The following TENM2 variants were observed in gnomAD, a reference collection of about 807,000 sequenced individuals.
TENM2 encodes the protein teneurin transmembrane protein 2, also known as teneurin-2.
In TENM2, 52 loss-of-function variants were observed where a neutral mutation model predicts 245.2. The ratio of observed to expected loss-of-function variants is 0.21; its 90% CI spans 0.17 to 0.27. The LOEUF is 0.27. TENM2 is among the 10% of genes least tolerant of loss of function. TENM2 has a pLI of 1.00. For synonymous variants in TENM2, 1,363 were observed against 1,438.9 expected, an observed-to-expected ratio of 0.95 and a Z score of 1.19; for missense variants, 3,046 against 3,666.8, an observed-to-expected ratio of 0.83 and a Z score of 4.37.
intron 7 of TENM2, among the ~76,000 whole-genome samples, chr5:168,066,813 T>C (rs561671241): frequency 1.3e-5 from 2 of 152,268 alleles, no homozygotes; most frequent in South Asian, 4.2e-4. Flanking sequence ...CTACAAACTG[T>C]GTCAGATTTG....
At chr5:167,320,685 A>G (rs1341818120) in intron 1 of TENM2, among the ~76,000 whole-genome samples, 1 of 152,130 alleles carries the variant, frequency 6.6e-6, no homozygotes, top group Non-Finnish European at 1.5e-5. Context: ...CTCACTTGAC[A>G]CCTTGCCTTC....
At chr5:167,046,044 T>G in the TENM2 span, among the ~76,000 whole-genome samples, 2 of 152,182 alleles carry the variant, frequency 1.3e-5, no homozygotes, top group Non-Finnish European at 2.9e-5. Context: ...TCACAAAATT[T>G]GTCAAGATTC....
At chr5:167,850,652 G>C (rs752821870) in intron 2 of TENM2, among the ~76,000 whole-genome samples, 18 of 152,264 alleles carry the variant, frequency 1.2e-4, no homozygotes, top group Non-Finnish European at 2.1e-4. Flanking sequence ...TATGAAACAG[G>C]AAACGCTGGT....
chr5:168,061,346 G>A (rs577647982), intron 6 of TENM2, among the ~76,000 whole-genome samples: 38 of 152,296 alleles, frequency 2.5e-4, no homozygotes, highest in Non-Finnish European at 1.0e-4. Flanking sequence ...ACACTTGGAA[G>A]TATAGGGGGT....
the TENM2 span, among the ~76,000 whole-genome samples, chr5:167,149,949 G>A: frequency 6.6e-6 from 1 of 152,120 alleles, no homozygotes; most frequent in Non-Finnish European, 1.5e-5. Flanking sequence ...AAAGTGAAGG[G>A]AAGGAGAGGA....
the TENM2 span, among the ~76,000 whole-genome samples, chr5:167,002,526 C>T: frequency 6.6e-6 from 1 of 151,806 alleles, no homozygotes; most frequent in African/African-American, 2.4e-5. Context: ...ATGAATAGCC[C>T]GGGTGTGGTA....
the TENM2 span, among the ~76,000 whole-genome samples, chr5:167,125,390 G>A: frequency 6.6e-6 from 1 of 152,340 alleles, no homozygotes; most frequent in East Asian, 1.9e-4. Flanking sequence ...AGGAAGAACT[G>A]AGGGAGTCTA....
At chr5:167,544,230 GA>G (rs1772399808) in intron 2 of TENM2, among the ~76,000 whole-genome samples, 1 of 152,200 alleles carries the variant, frequency 6.6e-6, no homozygotes, top group African/African-American at 2.4e-5. Context: ...ATAAATGTTT[GA>G]TGGTTTAGTA....
chr5:167,518,056 G>T lies in TENM2; in HGVS notation c.502+142583G>T, dbSNP rs145724032. Among the ~76,000 whole-genome samples, 484 of 151,670 alleles carry T rather than the reference G, an allele frequency of 3.2e-3. 25 individuals are homozygous for T. In the South Asian group the frequency reaches 0.08, roughly 25 times the overall value. ...ACAAAAATTAGTCGGATGTTACGGC[G>T]CACACCTGTAATCCCAGCTATCACG... is the stretch of plus-strand genomic sequence containing the variant. On this transcript the variant is annotated intron_variant, in intron 2 of 28. Transcript: ENST00000518659.
intron 2 of TENM2, among the ~76,000 whole-genome samples, chr5:167,491,811 A>G (rs1768442649): frequency 1.3e-5 from 2 of 152,092 alleles, no homozygotes; most frequent in South Asian, 4.1e-4. Flanking sequence ...CCCACATACA[A>G]CCAACTACGT....
chr5:168,239,623 T>C (rs547120988), intron 25 of TENM2, among the ~76,000 whole-genome samples: 1 of 152,252 alleles, frequency 6.6e-6, no homozygotes, highest in East Asian at 1.9e-4. Context: ...CTGCTTAGCT[T>C]ATGAGACCAG....
chr5:167,495,796 C>A (rs1768777076), intron 2 of TENM2, among the ~76,000 whole-genome samples: 1 of 151,948 alleles, frequency 6.6e-6, no homozygotes, highest in Admixed American at 6.6e-5. Context: ...AGTCATTTTA[C>A]AATTGCAGTC....
chr5:168,156,922 C>A (rs903993480), intron 12 of TENM2, among the ~76,000 whole-genome samples: 2 of 152,142 alleles, frequency 1.3e-5, no homozygotes, highest in African/African-American at 4.8e-5. Context: ...CTGGGGCAGC[C>A]GTTCGGTTCA....
chr5:167,889,759 G>A (rs891771005), intron 3 of TENM2, among the ~76,000 whole-genome samples: 1 of 151,976 alleles, frequency 6.6e-6, no homozygotes, highest in Non-Finnish European at 1.5e-5. Flanking sequence ...AGATAGGCTG[G>A]GACACCACCT....
At chr5:167,462,497 A>G (rs1041686868) in intron 2 of TENM2, among the ~76,000 whole-genome samples, 22 of 152,168 alleles carry the variant, frequency 1.4e-4, no homozygotes, top group African/African-American at 5.3e-4. Context: ...GGACATACTA[A>G]AGGATGGTGA....
chr5:167,407,332 C>A (rs559188933), intron 2 of TENM2, among the ~76,000 whole-genome samples: 30 of 152,196 alleles, frequency 2.0e-4, no homozygotes, highest in Non-Finnish European at 3.7e-4. Context: ...GCATCTTTAG[C>A]AAACTAGAAC....
At chr5:167,962,627 G>T (rs1781098888) in intron 4 of TENM2, among the ~76,000 whole-genome samples, 1 of 152,188 alleles carries the variant, frequency 6.6e-6, no homozygotes, top group Admixed American at 6.5e-5. Flanking sequence ...TGACAGTTCA[G>T]CATGACGGGG....
chr5:168,189,833 C>T (rs1334705448), intron 13 of TENM2, among the ~76,000 whole-genome samples: 1 of 152,046 alleles, frequency 6.6e-6, no homozygotes, highest in Non-Finnish European at 1.5e-5. Flanking sequence ...GTCTCGAATT[C>T]CTGGGCTCAA....
chr5:168,140,447 C>T lies in TENM2; in HGVS notation c.2422+13481C>T, dbSNP rs1484838470. ...CAGCTTATCTTCCTTCCATCTGCTCCAAATGGCAGCTAAGCCCCAAATCTC... is the reference window on the plus strand; with the variant it reads ...CAGCTTATCTTCCTTCCATCTGCTCTAAATGGCAGCTAAGCCCCAAATCTC... On this transcript the variant is annotated intron_variant, in intron 12 of 28. Coordinates refer to ENST00000518659, the Ensembl canonical transcript of TENM2. 2.0e-5 allele frequency among the ~76,000 whole-genome samples: 3 copies of T among 152,166 alleles called. No individual in the cohort carries two copies. In the East Asian group the frequency reaches 5.8e-4, roughly 29 times the overall value.
Sources: allele counts gnomAD v4.1 joint callset (sites outside exome capture counted in the v4.1 genomes callset), GRCh38; gene constraint gnomAD v4.1.1; transcripts MANE v1.5; gene names NCBI Gene and HGNC (gene_info 2026-07-23, HGNC 2026-07-21).